The following SGMS1 variants were observed in gnomAD, a reference collection of about 807,000 sequenced individuals.
SGMS1 encodes the protein phosphatidylcholine:ceramide cholinephosphotransferase 1.
Under a neutral mutation model 46.2 loss-of-function variants are expected in SGMS1, and 13 were observed. The ratio of observed to expected loss-of-function variants is 0.28; its 90% CI spans 0.18 to 0.45. The LOEUF (loss-of-function observed/expected upper bound fraction) is 0.45, where lower values mean the gene tolerates loss of function less well. Ranked by LOEUF, SGMS1 falls within the 20% of genes least tolerant of loss-of-function variation. The pLI, the probability that SGMS1 is intolerant of heterozygous loss-of-function variation, is 1.00. For missense variants in SGMS1, 324 were observed against 519.9 expected (o/e 0.62, Z 3.66); for synonymous variants, 203 against 187.8 (o/e 1.08, Z -0.66).
chr10:50,490,824 G>A (rs987280344), intron 3 of SGMS1, among the ~76,000 whole-genome samples: 4 of 152,138 alleles, frequency 2.6e-5, no homozygotes, highest in Admixed American at 1.3e-4. Flanking sequence ...CAGTGTAGAC[G>A]TAATTATTGA....
At chr10:50,416,252 T>A (rs1429522068) in intron 6 of SGMS1, among the ~76,000 whole-genome samples, 1 of 152,176 alleles carries the variant, frequency 6.6e-6, no homozygotes, top group Admixed American at 6.5e-5. Flanking sequence ...TAACCAACCT[T>A]AAATGCTAAC....
intron 6 of SGMS1, among the ~76,000 whole-genome samples, chr10:50,411,124 T>A (rs920057520): frequency 6.6e-6 from 1 of 152,192 alleles, no homozygotes; most frequent in Non-Finnish European, 1.5e-5. Context: ...TAGAAGCCAA[T>A]AATTCCAGTG....
At chr10:50,539,313 T>A (rs1474332850) in intron 2 of SGMS1, among the ~76,000 whole-genome samples, 1 of 152,232 alleles carries the variant, frequency 6.6e-6, no homozygotes, top group East Asian at 1.9e-4. Context: ...CCCTTGTTGA[T>A]CCTCTGTGCT....
intron 6 of SGMS1, among the ~76,000 whole-genome samples, chr10:50,362,573 G>A (rs574560856): frequency 1.1e-4 from 16 of 152,226 alleles, no homozygotes; most frequent in Admixed American, 9.8e-4. Flanking sequence ...CCTTAAAGGC[G>A]CTTCAAAAAG....
intron 6 of SGMS1, among the ~76,000 whole-genome samples, chr10:50,386,548 A>C (rs1564897994): frequency 6.6e-6 from 1 of 152,196 alleles, no homozygotes. Flanking sequence ...GTATGCTGCT[A>C]AAATAAAACG....
chr10:50,500,093 G>A (rs997681602), intron 3 of SGMS1, among the ~76,000 whole-genome samples: 27 of 152,156 alleles, frequency 1.8e-4, no homozygotes, highest in African/African-American at 6.0e-4. Flanking sequence ...GCTTGAACCC[G>A]GGAGGTGGAG....
intron 5 of SGMS1, among the ~76,000 whole-genome samples, chr10:50,452,843 G>C (rs1264890476): frequency 6.6e-6 from 1 of 152,120 alleles, no homozygotes; most frequent in Admixed American, 6.6e-5. Context: ...TTCAGGGGGT[G>C]GAAAATCTCC....
chr10:50,483,420 T>C (rs958032049), intron 3 of SGMS1, among the ~76,000 whole-genome samples: 5 of 152,140 alleles, frequency 3.3e-5, no homozygotes, highest in African/African-American at 1.2e-4. Context: ...TAAAGAGACT[T>C]AGACTCCCTC....
intron 1 of SGMS1, among the ~76,000 whole-genome samples, chr10:50,615,999 G>A (rs889366438): frequency 2.0e-5 from 3 of 152,184 alleles, no homozygotes; most frequent in African/African-American, 7.2e-5. Context: ...ACATGGGCTT[G>A]CAAATGTAGT....
chr10:50,424,931 A>C (rs1250184404), intron 6 of SGMS1, among the ~76,000 whole-genome samples: 1 of 150,864 alleles, frequency 6.6e-6, no homozygotes, highest in African/African-American at 2.4e-5. Flanking sequence ...AAAAAAAAAA[A>C]GGAGAAGACA....
intron 1 of SGMS1, among the ~76,000 whole-genome samples, chr10:50,620,748 C>G (rs1838841996): frequency 6.6e-6 from 1 of 152,194 alleles, no homozygotes; most frequent in Non-Finnish European, 1.5e-5. Flanking sequence ...GCAAACAATC[C>G]AGAATTTTTA....
At chr10:50,376,738 C>A (rs1420757756) in intron 6 of SGMS1, among the ~76,000 whole-genome samples, 2 of 152,128 alleles carry the variant, frequency 1.3e-5, no homozygotes, top group South Asian at 2.1e-4. Context: ...CAGCTTCATC[C>A]ATGTCCCTAC....
chr10:50,492,125 T>C (rs1380571272), intron 3 of SGMS1, among the ~76,000 whole-genome samples: 1 of 152,246 alleles, frequency 6.6e-6, no homozygotes, highest in Non-Finnish European at 1.5e-5. Context: ...CATCCATTCA[T>C]GTTAAAAACT....
rs117192078 is a variant in SGMS1 at position 50,468,871 on chromosome 10, C to T, written c.-497-1939G>A. ...TGTAGCTAAAAAGATCTTCCTACAT[C>T]CTCACTGGTGAACACAAAGTAGTAT... On this transcript the variant is annotated intron_variant, in intron 3 of 10. Transcript: ENST00000361781. 5.0e-3 allele frequency among the ~76,000 whole-genome samples: 756 copies of T among 152,282 alleles called. 4 individuals are homozygous for T. The highest frequency in any genetic ancestry group is 8.3e-3 in the Non-Finnish European group (562 of 68,024).
intron 8 of SGMS1, among the ~76,000 whole-genome samples, chr10:50,323,681 A>T (rs1847484330): frequency 6.6e-6 from 1 of 152,300 alleles, no homozygotes; most frequent in East Asian, 1.9e-4. Context: ...AATCCAACTC[A>T]TTAACTCTCA....
At chr10:50,543,202 T>A (rs1222324864) in intron 2 of SGMS1, among the ~76,000 whole-genome samples, 4 of 152,102 alleles carry the variant, frequency 2.6e-5, no homozygotes, top group Non-Finnish European at 5.9e-5. Flanking sequence ...AAAATGAGTA[T>A]GTGGCAAGGC....
chr10:50,554,281 A>C (rs1227819234), intron 2 of SGMS1, among the ~76,000 whole-genome samples: 2 of 152,242 alleles, frequency 1.3e-5, no homozygotes, highest in African/African-American at 4.8e-5. Context: ...GTAAATACAC[A>C]CAAAAACCCG....
intron 8 of SGMS1, among the ~76,000 whole-genome samples, chr10:50,317,466 G>A (rs543482016): frequency 8.5e-5 from 13 of 152,244 alleles, no homozygotes; most frequent in African/African-American, 3.1e-4. Context: ...ACCAGTACAT[G>A]AGGTCACACA....
At chr10:50,542,688 G>T in intron 2 of SGMS1, among the ~76,000 whole-genome samples, 1 of 145,968 alleles carries the variant, frequency 6.9e-6, no homozygotes, top group African/African-American at 2.5e-5. Context: ...TAGAGAGAGG[G>T]GAGAGAGATA....
Sources: gnomAD v4.1 joint callset for allele counts (sites outside exome capture counted in the v4.1 genomes callset) on GRCh38, gnomAD v4.1.1 for gene constraint, MANE v1.5 for transcripts, NCBI Gene and HGNC (gene_info 2026-07-23, HGNC 2026-07-21) for gene names.